The following SLC26A7 variants were observed in gnomAD, a reference collection of about 807,000 sequenced individuals.
SLC26A7 encodes the protein anion exchange transporter.
SLC26A7 carries 59 observed loss-of-function variants against 82.5 expected under a neutral mutation model. The observed-to-expected ratio is 0.72, with a 90% CI of 0.58 to 0.89. The LOEUF (loss-of-function observed/expected upper bound fraction) is 0.89, where lower values mean the gene tolerates loss of function less well. SLC26A7 is among the 40% of genes least tolerant of loss of function. SLC26A7 has a pLI of 0.00. For synonymous variants in SLC26A7, 271 were observed against 274.3 expected (o/e 0.99, Z 0.12); for missense variants, 820 against 793.0 (o/e 1.03, Z -0.41).
intron 7 of SLC26A7, among the ~76,000 whole-genome samples, chr8:91,340,167 G>A (rs1389749341): frequency 1.3e-5 from 2 of 152,244 alleles, no homozygotes; most frequent in East Asian, 3.9e-4. Context: ...AATTCTCTGG[G>A]CGTAAATGCC....
chr8:91,344,649 A>G (rs993309278), intron 9 of SLC26A7, among the ~76,000 whole-genome samples: 8 of 152,224 alleles, frequency 5.3e-5, no homozygotes, highest in Non-Finnish European at 1.2e-4. Context: ...GCAGTAACCA[A>G]TTCTGAATCT....
intron 2 of SLC26A7, among the ~76,000 whole-genome samples, chr8:91,288,301 A>T (rs1204524727): frequency 6.6e-6 from 1 of 152,148 alleles, no homozygotes; most frequent in Non-Finnish European, 1.5e-5. Context: ...TTTAATTGAA[A>T]CATTTGAATG....
chr8:91,317,890 A>G (rs1469249546), intron 4 of SLC26A7, among the ~76,000 whole-genome samples: 1 of 150,048 alleles, frequency 6.7e-6, no homozygotes, highest in African/African-American at 2.4e-5. Flanking sequence ...TTTAACTGAG[A>G]TACTCACATT....
chr8:91,347,986 C>T (rs1489011229), intron 9 of SLC26A7, among the ~76,000 whole-genome samples: 1 of 152,064 alleles, frequency 6.6e-6, no homozygotes, highest in Admixed American at 6.6e-5. Flanking sequence ...TCTTCACTTC[C>T]AACAGAGGAG....
At chr8:91,346,179 C>A (rs1813558197) in intron 9 of SLC26A7, among the ~76,000 whole-genome samples, 1 of 152,136 alleles carries the variant, frequency 6.6e-6, no homozygotes, top group East Asian at 1.9e-4. Context: ...TGCTCCTCTG[C>A]TTGTTGAGAT....
chr8:91,219,482 A>G (rs560687824), intron 2 of SLC26A7, among the ~76,000 whole-genome samples: 1 of 152,292 alleles, frequency 6.6e-6, no homozygotes, highest in African/African-American at 2.4e-5. Flanking sequence ...CTCAGGTTTG[A>G]TAACCCCTAA....
At chr8:91,328,675 T>G (rs144665876) in intron 5 of SLC26A7, among the ~76,000 whole-genome samples, 2 of 152,230 alleles carry the variant, frequency 1.3e-5, no homozygotes, top group African/African-American at 4.8e-5. Context: ...ATTCTAGAAG[T>G]TGAGAATCTA....
At chr8:91,343,287 T>C in intron 8 of SLC26A7, 66 bp from the exon 9 acceptor site, 1 of 1,004,736 alleles carries the variant, frequency 1.0e-6, no homozygotes, top group Non-Finnish European at 1.5e-6. Flanking sequence ...TGTGACAAAT[T>C]GTACCTGTGG....
At chr8:91,293,261 G>C (rs1283544630) in intron 3 of SLC26A7, among the ~76,000 whole-genome samples, 1 of 152,146 alleles carries the variant, frequency 6.6e-6, no homozygotes, top group Admixed American at 6.5e-5. Flanking sequence ...TGAGCTATCA[G>C]GTAGAAGTAG....
chr8:91,323,816 A>ATT (rs1812860217), intron 5 of SLC26A7, among the ~76,000 whole-genome samples: 4 of 106,996 alleles, frequency 3.7e-5, no homozygotes, highest in African/African-American at 7.3e-5. Context: ...CTTTTTTCTT[A>ATT]TCTTTTTTTT....
intron 9 of SLC26A7, 70 bp from the exon 10 acceptor site, chr8:91,351,740 C>G (rs570114031): frequency 2.1e-6 from 2 of 966,974 alleles, no homozygotes; most frequent in East Asian, 2.4e-5. Flanking sequence ...TCCCCCCCAC[C>G]CCATAACTTT....
intron 4 of SLC26A7, among the ~76,000 whole-genome samples, chr8:91,305,417 T>C (rs1187533491): frequency 6.6e-6 from 1 of 152,182 alleles, no homozygotes; most frequent in Non-Finnish European, 1.5e-5. Flanking sequence ...CCTTTTCTTA[T>C]GAATACTCCC....
chr8:91,230,098 T>C (rs949971398), intron 2 of SLC26A7, among the ~76,000 whole-genome samples: 21 of 152,192 alleles, frequency 1.4e-4, no homozygotes, highest in Non-Finnish European at 3.1e-4. Context: ...CTTAGTATAA[T>C]GGTTTCAAGA....
At chr8:91,355,843 CA>C (rs1813849746) in intron 11 of SLC26A7, among the ~76,000 whole-genome samples, 1 of 151,978 alleles carries the variant, frequency 6.6e-6, no homozygotes, top group South Asian at 2.1e-4. Flanking sequence ...CGTCATTTAG[CA>C]TTAGGTATGT....
At chr8:91,270,192 T>C (rs1320256277) in intron 2 of SLC26A7, among the ~76,000 whole-genome samples, 2 of 152,218 alleles carry the variant, frequency 1.3e-5, no homozygotes, top group African/African-American at 4.8e-5. Context: ...TTTGAGAAGA[T>C]AACCACTTCT....
chr8:91,291,552 TAAAAGA>T (rs1209107616), intron 3 of SLC26A7, among the ~76,000 whole-genome samples: 3 of 152,136 alleles, frequency 2.0e-5, no homozygotes, highest in Non-Finnish European at 4.4e-5. Flanking sequence ...AAACCCAAGA[TAAAAGA>T]AAAAGGCAAA....
intron 2 of SLC26A7, among the ~76,000 whole-genome samples, chr8:91,223,391 C>T (rs1810188629): frequency 6.6e-6 from 1 of 152,060 alleles, no homozygotes; most frequent in African/African-American, 2.4e-5. Context: ...TTAGTTTGCT[C>T]TTGCTTCTCT....
chr8:91,316,940 G>A (rs1812649099), intron 4 of SLC26A7, among the ~76,000 whole-genome samples: 2 of 123,352 alleles, frequency 1.6e-5, no homozygotes, highest in Non-Finnish European at 3.2e-5. Flanking sequence ...GATTGTTTGA[G>A]CCCAAGATTT....
At chr8:91,380,534 A>G (rs532811983) in intron 15 of SLC26A7, among the ~76,000 whole-genome samples, 1 of 152,194 alleles carries the variant, frequency 6.6e-6, no homozygotes. Flanking sequence ...CTAATAAGCT[A>G]TCATTTTCTT....
Sources: gnomAD v4.1 joint callset for allele counts (sites outside exome capture counted in the v4.1 genomes callset) on GRCh38, gnomAD v4.1.1 for gene constraint, MANE v1.5 for transcripts, NCBI Gene and HGNC (gene_info 2026-07-23, HGNC 2026-07-21) for gene names.